CNTNAP3: variants seen among roughly 807,000 people sequenced by gnomAD.
The protein encoded by CNTNAP3 is contactin associated protein family member 3, also known as contactin-associated protein-like 3.
In CNTNAP3, 36 loss-of-function variants were observed where a neutral mutation model predicts 92.1. The observed-to-expected ratio is 0.39, with a 90% CI of 0.30 to 0.52. The LOEUF (loss-of-function observed/expected upper bound fraction) is 0.52, where lower values mean the gene tolerates loss of function less well. CNTNAP3 is among the 20% of genes least tolerant of loss of function. CNTNAP3 has a pLI of 0.76. For synonymous variants in CNTNAP3, 232 were observed against 422.3 expected (o/e 0.55, Z 5.53); for missense variants, 534 against 1,069.6 (o/e 0.50, Z 6.98).
intron 12 of CNTNAP3, among the ~76,000 whole-genome samples, chr9:39,134,455 C>T (rs1821379954): frequency 1.3e-5 from 2 of 151,328 alleles, no homozygotes; most frequent in South Asian, 2.1e-4. Context: ...ATAAGAGTCT[C>T]GCTCTGTTGC....
intron 13 of CNTNAP3, among the ~76,000 whole-genome samples, chr9:39,119,299 T>A (rs1438540286): frequency 7.0e-6 from 1 of 142,976 alleles, no homozygotes; most frequent in Non-Finnish European, 1.5e-5. Flanking sequence ...AACTCATCCA[T>A]AGATAAGATC....
chr9:39,148,984 A>G (rs1231615287), intron 10 of CNTNAP3, among the ~76,000 whole-genome samples: 3 of 152,198 alleles, frequency 2.0e-5, no homozygotes, highest in Non-Finnish European at 4.4e-5. Context: ...TGGCACAGCT[A>G]GCATAACTGT....
At chr9:39,168,175 C>G (rs1277248997) in intron 8 of CNTNAP3, among the ~76,000 whole-genome samples, 1 of 131,292 alleles carries the variant, frequency 7.6e-6, no homozygotes, top group Non-Finnish European at 1.7e-5. Flanking sequence ...CGCCACCACG[C>G]CTGGCTAATT....
At position 39,066,314 on chromosome 9, in the gene CNTNAP3, A is replaced by G. The variant is rs1363846721; in HGVS notation, c.*7576T>C. On this transcript the variant is annotated 3_prime_UTR_variant, in exon 24 of 24. Transcript: ENST00000297668. ...TATTGTTGTCATATATTTTACTTTTACTCATGCTGCAGAACTCACATGACA... is the reference window on the plus strand; with the variant it reads ...TATTGTTGTCATATATTTTACTTTTGCTCATGCTGCAGAACTCACATGACA... Among the ~76,000 whole-genome samples the G allele has an allele frequency of 1.3e-5, 2 of 152,174 alleles. No individual in the cohort carries two copies. The highest frequency in any genetic ancestry group is 2.9e-5 in the Non-Finnish European group (2 of 68,020).
chr9:39,123,792 G>T (rs940349776), intron 13 of CNTNAP3, among the ~76,000 whole-genome samples: 51 of 152,100 alleles, frequency 3.4e-4, no homozygotes, highest in African/African-American at 1.2e-3. Flanking sequence ...TATTTAAACT[G>T]TTGAGAGAAA....
chr9:39,084,574 G>C (rs373788504), intron 21 of CNTNAP3, among the ~76,000 whole-genome samples: 2,888 of 140,032 alleles, frequency 0.021, 43 homozygotes, highest in Non-Finnish European at 0.029. Flanking sequence ...ACTTAGAACA[G>C]AGTGTTTTGG....
intron 11 of CNTNAP3, among the ~76,000 whole-genome samples, chr9:39,142,644 C>T (rs1821604324): frequency 1.3e-5 from 2 of 150,648 alleles, no homozygotes; most frequent in Non-Finnish European, 1.5e-5. Flanking sequence ...TGGGCTCCAG[C>T]CTGGGCGACA....
At chr9:39,080,806 C>T (rs1825915110) in intron 21 of CNTNAP3, among the ~76,000 whole-genome samples, 1 of 137,906 alleles carries the variant, frequency 7.3e-6, no homozygotes, top group Non-Finnish European at 1.6e-5. Flanking sequence ...GGACTACAGG[C>T]ATGCACCACC....
chr9:39,090,041 A>T (rs190599197), intron 18 of CNTNAP3, among the ~76,000 whole-genome samples: 4 of 150,946 alleles, frequency 2.6e-5, no homozygotes, highest in Non-Finnish European at 4.4e-5. Flanking sequence ...CTGGGTTCAC[A>T]CCATTCTCCT....
At position 39,103,925 on chromosome 9, in the gene CNTNAP3, T is replaced by C. The variant is rs761179706; in HGVS notation, c.2366-11A>G. 24 of 1,571,614 alleles carry C rather than the reference T, an allele frequency of 1.5e-5. 1 individual carries two copies. The highest frequency in any genetic ancestry group is 1.4e-4 in the Admixed American group (7 of 49,986). On this transcript the variant is annotated splice_polypyrimidine_tract_variant and intron_variant, in intron 15 of 23. Transcript: ENST00000297668. ...AATTCCAGAATGACTCTGTTTACAA[T>C]AGAGAAAACGACAAAAGGAAAAAAA... is the stretch of plus-strand genomic sequence containing the variant.
Position 39,145,019 on chromosome 9 carries a change from A to T in CNTNAP3, c.1650-673T>A, listed in dbSNP as rs1406280017. On this transcript the variant is annotated intron_variant, in intron 10 of 23. Coordinates refer to ENST00000297668, the MANE Select transcript of CNTNAP3 (RefSeq NM_033655.5). ...CATAGGGAACCTCAAGGGACCCTGA[A>T]CTAGCCAAAACAATCTTGAAAAAGA... 6.4e-5 allele frequency among the ~76,000 whole-genome samples: 9 copies of T among 141,610 alleles called. 1 individual carries two copies. Among genetic ancestry groups the T allele is most frequent in the Non-Finnish European group, 1.1e-4 (7 of 63,050 alleles). The allele number at this position is 141,610 out of a possible 152,430, so 92.9% of individuals were successfully genotyped here. A position where few individuals can be genotyped will look rare whatever the true frequency, so the allele number is the denominator to read the frequency against.
intron 11 of CNTNAP3, among the ~76,000 whole-genome samples, chr9:39,143,208 T>C (rs1821618239): frequency 6.6e-6 from 1 of 150,506 alleles, no homozygotes; most frequent in African/African-American, 2.5e-5. Flanking sequence ...TGATTTTTAA[T>C]ATGGCAGAGG....
At chr9:39,151,311 T>C (rs1821837887) in intron 9 of CNTNAP3, among the ~76,000 whole-genome samples, 1 of 146,716 alleles carries the variant, frequency 6.8e-6, no homozygotes, top group Admixed American at 6.7e-5. Context: ...ACCCAGCACT[T>C]TGGGAGGCCA....
At chr9:39,120,216 C>T (rs557518749) in intron 13 of CNTNAP3, among the ~76,000 whole-genome samples, 3 of 152,224 alleles carry the variant, frequency 2.0e-5, no homozygotes, top group East Asian at 3.9e-4. Flanking sequence ...GAGAATAACA[C>T]ATTACCTGCC....
At chr9:39,134,719 C>T (rs1194079150) in intron 12 of CNTNAP3, among the ~76,000 whole-genome samples, 4 of 152,284 alleles carry the variant, frequency 2.6e-5, no homozygotes, top group Admixed American at 6.5e-5. Flanking sequence ...TGAGCCACCA[C>T]GCCTGGCCTC....
At chr9:39,079,218 A>G (rs892172464) in intron 21 of CNTNAP3, among the ~76,000 whole-genome samples, 1 of 152,030 alleles carries the variant, frequency 6.6e-6, no homozygotes, top group African/African-American at 2.4e-5. Flanking sequence ...AATTTAAGAA[A>G]TCCTCTGCCA....
intron 13 of CNTNAP3, among the ~76,000 whole-genome samples, chr9:39,132,662 A>G (rs1363997356): frequency 6.6e-6 from 1 of 152,092 alleles, no homozygotes; most frequent in African/African-American, 2.4e-5. Flanking sequence ...AAGCTAAGGC[A>G]TAAGTTATCA....
rs1232975460 is a variant in CNTNAP3, at chr9:39,144,388, C to A, written c.1650-42G>T. ...ACAACTGCTGTTTCCCTTTTTCAAT[C>A]ATCAAAAAATAAGTGTCTTACCAAA... On this transcript the variant is annotated intron_variant, in intron 10 of 23. Coordinates refer to ENST00000297668, the MANE Select transcript of CNTNAP3 (RefSeq NM_033655.5). 2.7e-6 allele frequency: 4 copies of A among 1,502,728 alleles called. No homozygotes were observed. The South Asian group carries it at 3.9e-5, about 15-fold the overall frequency. The allele number at this position is 1,502,728 out of a possible 1,614,324, so 93.1% of individuals were successfully genotyped here. A position where few individuals can be genotyped will look rare whatever the true frequency, so the allele number is the denominator to read the frequency against.
At chr9:39,125,968 C>T (rs1011173003) in intron 13 of CNTNAP3, among the ~76,000 whole-genome samples, 15 of 152,120 alleles carry the variant, frequency 9.9e-5, no homozygotes, top group Non-Finnish European at 1.8e-4. Flanking sequence ...CTGAACAGCA[C>T]CATCAATCAA....
Sources: gnomAD v4.1 joint callset for allele counts (sites outside exome capture counted in the v4.1 genomes callset) on GRCh38, gnomAD v4.1.1 for gene constraint, MANE v1.5 for transcripts, NCBI Gene and HGNC (gene_info 2026-07-23, HGNC 2026-07-21) for gene names.